Variants in IQSEC1 observed in about 807,000 individuals in gnomAD.
The protein encoded by IQSEC1 is IQ motif and Sec7 domain ArfGEF 1.
In IQSEC1, 31 loss-of-function variants were observed where a neutral mutation model predicts 91.0. The ratio of observed to expected loss-of-function variants is 0.34; its 90% CI spans 0.26 to 0.46. The LOEUF (loss-of-function observed/expected upper bound fraction) is 0.46. Ranked by LOEUF, IQSEC1 falls within the 20% of genes least tolerant of loss-of-function variation. The pLI, the probability that IQSEC1 is intolerant of heterozygous loss-of-function variation, is 1.00. For synonymous variants in IQSEC1, 699 were observed against 662.6 expected (o/e 1.05, Z -0.84); for missense variants, 1,388 against 1,575.6 (o/e 0.88, Z 2.02).
rs576069377 is a variant in IQSEC1 at position 13,156,226 on chromosome 3, C to T, written c.302+7878G>A. The stretch of plus-strand genomic sequence containing the variant: ...TAGCCTAGGTGATAGAGCGAGACTC[C>T]GTCCCAAAAAAATAAAAATTAAAAA... On this transcript the variant is annotated intron_variant, in intron 2 of 15. Transcript: ENST00000648114. Among the ~76,000 whole-genome samples the T allele has an allele frequency of 1.5e-4, 23 of 151,448 alleles. No individual in the cohort carries two copies. In the South Asian group the frequency reaches 2.1e-3, roughly 14 times the overall value.
At chr3:13,075,544 G>A (rs1346599433), upstream of IQSEC1, among the ~76,000 whole-genome samples, 1 of 152,200 alleles carries the variant, frequency 6.6e-6, no homozygotes, top group Non-Finnish European at 1.5e-5. Flanking sequence ...TTTGCTCCCT[G>A]GGAGGCCCAT....
intron 1 of IQSEC1, among the ~76,000 whole-genome samples, chr3:13,025,674 G>C (rs1373604343): frequency 6.6e-6 from 1 of 152,200 alleles, no homozygotes; most frequent in South Asian, 2.1e-4. Flanking sequence ...TAAGGGGCAA[G>C]CCACTGTTCC....
rs1694442313 is a variant in IQSEC1, at chr3:13,211,433, G to A, written c.273-47300C>T. Among the ~76,000 whole-genome samples, 1 of 150,518 alleles carries A rather than the reference G, an allele frequency of 6.6e-6. No homozygotes were observed. The highest frequency in any genetic ancestry group is 6.6e-5 in the Admixed American group (1 of 15,144). ...TTCTGGGCCCCCACGGGCCCCCTCT[G>A]CCCCCTGCCCCAGGTCACCTTACAA... is the stretch of plus-strand genomic sequence containing the variant. On this transcript the variant is annotated intron_variant, in intron 1 of 15. Transcript: ENST00000648114. This position sits in a 1 kb window ranked among gnomAD's most constrained non-coding sequence, Gnocchi z 5.3.
chr3:12,917,193 C>T (rs1342818792), intron 6 of IQSEC1, among the ~76,000 whole-genome samples: 2 of 152,178 alleles, frequency 1.3e-5, no homozygotes, highest in Admixed American at 1.3e-4. Context: ...CACGCTGTCG[C>T]CATCCTCACC....
chr3:13,039,819 G>A (rs1457932725), intron 1 of IQSEC1, among the ~76,000 whole-genome samples: 1 of 152,230 alleles, frequency 6.6e-6, no homozygotes, highest in South Asian at 2.1e-4. Flanking sequence ...CCAGCCCTCA[G>A]CATGTCATTT....
intron 2 of IQSEC1, among the ~76,000 whole-genome samples, chr3:13,139,831 G>A (rs980272674): frequency 6.6e-6 from 1 of 152,142 alleles, no homozygotes; most frequent in Non-Finnish European, 1.5e-5. Flanking sequence ...GGCCATGTGG[G>A]CCAGATTAGA....
intron 1 of IQSEC1, among the ~76,000 whole-genome samples, chr3:13,029,940 C>T (rs553074662): frequency 3.4e-4 from 52 of 152,354 alleles, no homozygotes; most frequent in Admixed American, 1.3e-4. Flanking sequence ...CATTCCCAGA[C>T]CATTCCCAGC....
chr3:12,930,682 G>C (rs1697591766), intron 3 of IQSEC1, among the ~76,000 whole-genome samples: 1 of 152,154 alleles, frequency 6.6e-6, no homozygotes, highest in African/African-American at 2.4e-5. Context: ...GAAATACCCG[G>C]GACTTTTCAG....
At chr3:12,917,505 G>A (rs187041530) in intron 6 of IQSEC1, among the ~76,000 whole-genome samples, 4 of 152,346 alleles carry the variant, frequency 2.6e-5, no homozygotes, top group South Asian at 4.1e-4. Flanking sequence ...CACGCAGCCT[G>A]TTCAGACTGG....
chr3:12,899,432 A>C lies in IQSEC1; in HGVS notation c.*1551T>G. The C allele has an allele frequency of 6.2e-7, 1 of 1,610,674 alleles. No homozygotes were observed. Among genetic ancestry groups the C allele is most frequent in the Non-Finnish European group, 8.5e-7 (1 of 1,179,052 alleles). On this transcript the variant is annotated 3_prime_UTR_variant, in exon 14 of 14. Coordinates refer to ENST00000613206, the MANE Select transcript of IQSEC1 (RefSeq NM_001134382.3). The stretch of plus-strand genomic sequence containing the variant: ...ACGGCTGCAGTGGCTCGAAAGGCTG[A>C]AACTACAAAGTATGGCCCGTGGGTG...
intron 1 of IQSEC1, among the ~76,000 whole-genome samples, chr3:13,016,379 C>T (rs559743869): frequency 1.7e-3 from 252 of 152,366 alleles, no homozygotes; most frequent in Middle Eastern, 6.8e-3. Context: ...TCTCAACCGG[C>T]CTTCCCTGCC....
At chr3:13,108,132 A>T (rs989626833) in intron 2 of IQSEC1, among the ~76,000 whole-genome samples, 4 of 152,222 alleles carry the variant, frequency 2.6e-5, no homozygotes, top group African/African-American at 9.6e-5. Context: ...TCCGTAATTG[A>T]TGTCCACGCT....
rs749847894 is a variant in IQSEC1, at chr3:12,992,631, C to G, written c.24-50766G>C. ...GCTCATCAAAGTGCACAACCAGACC[C>G]CTGCTCCCAGTCTAGGACAGGTCCC... On this transcript the variant is annotated intron_variant, in intron 1 of 13. Coordinates refer to ENST00000613206, the MANE Select transcript of IQSEC1 (RefSeq NM_001134382.3). This position sits in a 1 kb window ranked among gnomAD's most constrained non-coding sequence, Gnocchi z 4.1. Among the ~76,000 whole-genome samples the G allele has an allele frequency of 6.6e-6, 1 of 152,218 alleles. No individual in the cohort carries two copies.
At chr3:13,034,367 G>T (rs921010860) in intron 1 of IQSEC1, among the ~76,000 whole-genome samples, 1 of 152,246 alleles carries the variant, frequency 6.6e-6, no homozygotes, top group African/African-American at 2.4e-5. Context: ...GTTACCAAGA[G>T]CAAGAAGTGT....
chr3:13,234,513 A>AT (rs2125093807), intron 1 of IQSEC1, among the ~76,000 whole-genome samples: 1 of 152,214 alleles, frequency 6.6e-6, no homozygotes, highest in South Asian at 2.1e-4. Context: ...AAACACCTGA[A>AT]TTTCTTCTAA....
Position 13,273,209 on chromosome 3 carries a change from A to G in IQSEC1, c.272+9502T>C, listed in dbSNP as rs536448172. ...ATTCAGGCTGCTGGCCTGGCCCCAGAGTCTGTGTCCTGGCTCCTGGCCACC... is the reference window on the plus strand; with the variant it reads ...ATTCAGGCTGCTGGCCTGGCCCCAGGGTCTGTGTCCTGGCTCCTGGCCACC... On this transcript the variant is annotated intron_variant, in intron 1 of 15. Transcript: ENST00000648114. 3.9e-5 allele frequency among the ~76,000 whole-genome samples: 6 copies of G among 152,292 alleles called. No individual in the cohort carries two copies. In the East Asian group the frequency reaches 9.7e-4, roughly 25 times the overall value.
chr3:12,986,541 G>C (rs1701743703), intron 1 of IQSEC1, among the ~76,000 whole-genome samples: 1 of 152,240 alleles, frequency 6.6e-6, no homozygotes, highest in Non-Finnish European at 1.5e-5. Context: ...CTGACACACA[G>C]AGGTGCTCAG....
chr3:13,125,083 T>C lies in IQSEC1; in HGVS notation c.302+39021A>G, dbSNP rs114651787. ...CCTTCTGCCTGCAGCAGTGCGCAGC[T>C]CCCCACTGCCCCTGGGTAACTCTAC... On this transcript the variant is annotated intron_variant, in intron 2 of 15. Coordinates refer to the IQSEC1 transcript ENST00000648114. Among the ~76,000 whole-genome samples, 992 of 152,196 alleles carry C rather than the reference T, an allele frequency of 6.5e-3. 20 individuals are homozygous for C. Among genetic ancestry groups the C allele is most frequent in the African/African-American group, 0.023 (936 of 41,504 alleles).
chr3:12,916,397 C>G (rs1349405650), intron 6 of IQSEC1, among the ~76,000 whole-genome samples: 1 of 152,214 alleles, frequency 6.6e-6, no homozygotes, highest in Non-Finnish European at 1.5e-5. Flanking sequence ...TAACCACAAG[C>G]ACACACTGCT....
Sources: gnomAD v4.1 joint callset for allele counts (sites outside exome capture counted in the v4.1 genomes callset) on GRCh38, gnomAD v4.1.1 for gene constraint, Gnocchi (gnomAD v3.1) non-coding constraint, MANE v1.5 for transcripts, NCBI Gene and HGNC (gene_info 2026-07-23, HGNC 2026-07-21) for gene names.